The following SCFD2 variants were observed in gnomAD, a reference collection of about 807,000 sequenced individuals.
SCFD2 encodes sec1 family domain-containing protein 2.
SCFD2 carries 54 observed loss-of-function variants against 58.9 expected under a neutral mutation model. The ratio of observed to expected loss-of-function variants is 0.92; its 90% CI spans 0.74 to 1.15. The LOEUF is 1.15. SCFD2 is among the 50% of genes most tolerant of loss of function. The pLI, the probability that SCFD2 is intolerant of heterozygous loss-of-function variation, is 0.00. For missense variants in SCFD2, 805 were observed against 836.6 expected, an observed-to-expected ratio of 0.96 and a Z score of 0.47; for synonymous variants, 321 against 335.9, an observed-to-expected ratio of 0.96 and a Z score of 0.49.
rs747680146 is a variant in SCFD2 at position 52,885,741 on chromosome 4, C to T, written c.1962+6G>A. The stretch of plus-strand genomic sequence containing the variant: ...GCTCTTGTTCAAAGCATGGAGGACT[C>T]AGTACCTGGGTTCCTGGCTTCAACG... On this transcript the variant is annotated splice_donor_region_variant and intron_variant, in intron 8 of 8. Transcript: ENST00000401642. 6.2e-7 allele frequency: 1 copy of T among 1,613,748 alleles called. No homozygotes were observed. The highest frequency in any genetic ancestry group is 1.1e-5 in the South Asian group (1 of 91,036).
At chr4:52,908,681 A>G (rs927005023) in intron 6 of SCFD2, among the ~76,000 whole-genome samples, 1 of 152,100 alleles carries the variant, frequency 6.6e-6, no homozygotes, top group Admixed American at 6.6e-5. Flanking sequence ...TTTTTTACTC[A>G]AATTTTCCCT....
chr4:53,298,504 G>C (rs1028434686), intron 3 of SCFD2, among the ~76,000 whole-genome samples: 7 of 152,174 alleles, frequency 4.6e-5, no homozygotes, highest in African/African-American at 1.7e-4. Flanking sequence ...GCCTCTGTAG[G>C]CTCCACCTCT....
At chr4:53,179,597 G>A (rs1237819972) in intron 4 of SCFD2, among the ~76,000 whole-genome samples, 2 of 152,148 alleles carry the variant, frequency 1.3e-5, no homozygotes, top group Non-Finnish European at 2.9e-5. Flanking sequence ...ATCAACTAAT[G>A]AGCAAAATAA....
chr4:53,298,902 A>C (rs1210971442), intron 3 of SCFD2, among the ~76,000 whole-genome samples: 2 of 152,208 alleles, frequency 1.3e-5, no homozygotes, highest in East Asian at 3.8e-4. Context: ...TTAGAAGGAA[A>C]ACTAACAAAG....
chr4:52,976,399 T>TA (rs1721261799), intron 5 of SCFD2, among the ~76,000 whole-genome samples: 1 of 152,150 alleles, frequency 6.6e-6, no homozygotes, highest in Admixed American at 6.5e-5. Context: ...TTTCCTCTTT[T>TA]AAAGTCATGG....
chr4:53,199,103 G>A (rs1174748232), intron 4 of SCFD2, among the ~76,000 whole-genome samples: 1 of 151,986 alleles, frequency 6.6e-6, no homozygotes, highest in Admixed American at 6.6e-5. Context: ...CTAGTTTGAG[G>A]GGCCAAGGTT....
At chr4:53,263,245 T>C (rs547468463) in intron 4 of SCFD2, among the ~76,000 whole-genome samples, 3 of 152,332 alleles carry the variant, frequency 2.0e-5, no homozygotes, top group African/African-American at 7.2e-5. Context: ...TCGAATTCTT[T>C]TTCTGGAAAT....
At chr4:52,989,727 C>T (rs1413806550) in intron 5 of SCFD2, among the ~76,000 whole-genome samples, 1 of 152,192 alleles carries the variant, frequency 6.6e-6, no homozygotes, top group Non-Finnish European at 1.5e-5. Context: ...CTACTTTCTT[C>T]CCAATCTGCC....
intron 5 of SCFD2, among the ~76,000 whole-genome samples, chr4:53,075,693 GGA>G (rs1486303676): frequency 6.6e-6 from 1 of 152,138 alleles, no homozygotes; most frequent in East Asian, 1.9e-4. Context: ...GCCAATTGGT[GGA>G]GCAGTCAGAA....
chr4:53,214,587 T>G (rs1029297781), intron 4 of SCFD2, among the ~76,000 whole-genome samples: 2 of 152,192 alleles, frequency 1.3e-5, no homozygotes, highest in African/African-American at 2.4e-5. Context: ...AAAAATTTTC[T>G]CCCATTCTGT....
At chr4:53,068,380 T>A (rs1484986569) in intron 5 of SCFD2, among the ~76,000 whole-genome samples, 1 of 152,090 alleles carries the variant, frequency 6.6e-6, no homozygotes, top group African/African-American at 2.4e-5. Flanking sequence ...TAGCACCAGT[T>A]AACTTATTTA....
At position 53,365,843 on chromosome 4, in the gene SCFD2, G is replaced by A. The variant is rs771769294; in HGVS notation, c.99C>T (p.Ala33=). The A allele has an allele frequency of 8.7e-6, 14 of 1,613,324 alleles. No homozygotes were observed. The highest frequency in any genetic ancestry group is 1.1e-5 in the Non-Finnish European group (13 of 1,179,968). ...RAVVYLDAAC[A]ESLHWGCGST... Reference sequence around the variant, plus strand: ...ATCCGCAGCCCCAGTGCAGGCTCTCGGCGCAGGCGGCGTCCAGGTAAACCA... The same window carrying A: ...ATCCGCAGCCCCAGTGCAGGCTCTCAGCGCAGGCGGCGTCCAGGTAAACCA... Residue 33 remains alanine (A), a synonymous_variant, in exon 1 of 9, where the codon GCC becomes GCT. Coordinates refer to ENST00000401642, the MANE Select transcript of SCFD2 (RefSeq NM_152540.4). The surrounding 1 kb of genome is among the most constrained non-coding windows in gnomAD (Gnocchi z 4.3).
At chr4:52,947,932 T>C (rs1054188267) in intron 5 of SCFD2, among the ~76,000 whole-genome samples, 3 of 104,190 alleles carry the variant, frequency 2.9e-5, no homozygotes, top group African/African-American at 7.8e-5. Context: ...AGAAAATCAA[T>C]TGGAAAAATA....
chr4:53,207,493 TC>T lies in SCFD2; in HGVS notation c.1312-61912del, dbSNP rs1560385100. Among the ~76,000 whole-genome samples, 121 of 12,850 alleles carry T rather than the reference TC, an allele frequency of 9.4e-3. 16 individuals are homozygous for T. The highest frequency in any genetic ancestry group is 0.024 in the African/African-American group (75 of 3,158). The allele number at this position is 12,850 out of a possible 152,430, so 8.4% of individuals were successfully genotyped here. On this transcript the variant is annotated intron_variant, in intron 4 of 8. Transcript: ENST00000401642. ...GTTTGAAATATATTATATATATATT[TC>T]ATATATATATATTATATATATTATA...
intron 5 of SCFD2, among the ~76,000 whole-genome samples, chr4:52,967,179 T>C (rs530273163): frequency 6.6e-6 from 1 of 152,352 alleles, no homozygotes; most frequent in Non-Finnish European, 1.5e-5. Context: ...CATCTGCATC[T>C]TTAAACAACC....
intron 4 of SCFD2, among the ~76,000 whole-genome samples, chr4:53,184,147 G>C (rs767100233): frequency 6.6e-6 from 1 of 152,056 alleles, no homozygotes; most frequent in Non-Finnish European, 1.5e-5. Context: ...ATTGTTTCTT[G>C]TGCCCAAATA....
intron 3 of SCFD2, among the ~76,000 whole-genome samples, chr4:53,297,402 G>A (rs548156614): frequency 1.2e-4 from 18 of 151,414 alleles, no homozygotes; most frequent in South Asian, 4.2e-4. Flanking sequence ...GCCCTTCTTC[G>A]TCTCTTTTGA....
chr4:53,363,372 C>T (rs1179155081), intron 1 of SCFD2, among the ~76,000 whole-genome samples: 2 of 151,924 alleles, frequency 1.3e-5, no homozygotes, highest in African/African-American at 4.8e-5. Context: ...TGATCTCAAA[C>T]TCCTGAGCTC....
At chr4:52,904,431 A>G (rs1286484150) in intron 7 of SCFD2, among the ~76,000 whole-genome samples, 2 of 152,250 alleles carry the variant, frequency 1.3e-5, no homozygotes, top group Admixed American at 1.3e-4. Context: ...GAAATGAGCA[A>G]TAACTGTTGG....
Sources: allele counts gnomAD v4.1 joint callset (sites outside exome capture counted in the v4.1 genomes callset), GRCh38; gene constraint gnomAD v4.1.1; non-coding constraint Gnocchi (gnomAD v3.1); transcripts MANE v1.5; gene names NCBI Gene and HGNC (gene_info 2026-07-23, HGNC 2026-07-21).